Variants in CNTNAP2 observed in about 807,000 individuals in gnomAD.
CNTNAP2 encodes contactin associated protein 2.
A neutral mutation model predicts 155.2 loss-of-function variants in CNTNAP2; 98 were observed. The observed-to-expected ratio is 0.63, with a 90% CI of 0.54 to 0.75. The LOEUF is 0.75. CNTNAP2 is among the 30% of genes least tolerant of loss of function. The pLI is 0.00. For missense variants in CNTNAP2, 1,727 were observed against 1,688.1 expected (o/e 1.02, Z -0.40); for synonymous variants, 651 against 631.2 (o/e 1.03, Z -0.47).
At chr7:148,350,432 A>G (rs993477467) in intron 21 of CNTNAP2, among the ~76,000 whole-genome samples, 1 of 152,356 alleles carries the variant, frequency 6.6e-6, no homozygotes, top group South Asian at 2.1e-4. Context: ...TCCTCCTAGT[A>G]TGGATCTAAT....
At chr7:146,444,640 A>G (rs1238571428) in intron 1 of CNTNAP2, among the ~76,000 whole-genome samples, 2 of 151,622 alleles carry the variant, frequency 1.3e-5, no homozygotes, top group Non-Finnish European at 2.9e-5. Flanking sequence ...CATGCTTCAT[A>G]AATCCATAGA....
chr7:146,443,230 T>TAATAAATAATA (rs1554434108), intron 1 of CNTNAP2, among the ~76,000 whole-genome samples: 3 of 147,804 alleles, frequency 2.0e-5, no homozygotes, highest in African/African-American at 7.5e-5. Context: ...AATAAATAAA[T>TAATAAATAATA]AATAAATAAA....
At chr7:148,103,206 CTTT>C (rs56941233) in intron 15 of CNTNAP2, among the ~76,000 whole-genome samples, 7 of 141,342 alleles carry the variant, frequency 5.0e-5, no homozygotes, top group African/African-American at 7.7e-5. Flanking sequence ...AGGTATGTAG[CTTT>C]TTTTTTTTTT....
chr7:147,244,191 A>G (rs1218118102), intron 8 of CNTNAP2, among the ~76,000 whole-genome samples: 1 of 152,106 alleles, frequency 6.6e-6, no homozygotes, highest in Non-Finnish European at 1.5e-5. Context: ...TTTCAAATAT[A>G]CAAAGTTATC....
chr7:147,233,412 A>T (rs1033878082), intron 8 of CNTNAP2, among the ~76,000 whole-genome samples: 1 of 152,170 alleles, frequency 6.6e-6, no homozygotes, highest in African/African-American at 2.4e-5. Flanking sequence ...TTGCTATTTT[A>T]ATTCCACAAT....
chr7:148,393,809 ATTATG>A (rs1396390554), intron 22 of CNTNAP2, among the ~76,000 whole-genome samples: 12 of 152,252 alleles, frequency 7.9e-5, no homozygotes, highest in Middle Eastern at 6.8e-3. Context: ...TATTTCATTA[ATTATG>A]AGTTGGGTTA....
chr7:147,550,041 T>G (rs1319242969), intron 11 of CNTNAP2, among the ~76,000 whole-genome samples: 2 of 152,230 alleles, frequency 1.3e-5, no homozygotes, highest in African/African-American at 2.4e-5. Flanking sequence ...GAAGTTGCAC[T>G]ATATAATGAG....
At chr7:148,332,969 C>A (rs1318798420) in intron 21 of CNTNAP2, among the ~76,000 whole-genome samples, 1 of 152,128 alleles carries the variant, frequency 6.6e-6, no homozygotes, top group African/African-American at 2.4e-5. Context: ...AGTACTACCA[C>A]AATAAACATG....
At chr7:147,082,357 GCTTA>G (rs911506355) in intron 4 of CNTNAP2, among the ~76,000 whole-genome samples, 20 of 152,082 alleles carry the variant, frequency 1.3e-4, no homozygotes, top group African/African-American at 4.6e-4. Flanking sequence ...GTTTATAAGG[GCTTA>G]CTTGTTACTG....
intron 14 of CNTNAP2, among the ~76,000 whole-genome samples, chr7:147,967,606 A>G (rs563758842): frequency 5.3e-5 from 8 of 152,300 alleles, no homozygotes; most frequent in African/African-American, 1.9e-4. Flanking sequence ...CTAGTCTATT[A>G]CCTCTGAAAA....
intron 1 of CNTNAP2, among the ~76,000 whole-genome samples, chr7:146,698,770 A>C (rs1364338137): frequency 6.6e-6 from 1 of 151,966 alleles, no homozygotes; most frequent in Non-Finnish European, 1.5e-5. Context: ...CACATTACAC[A>C]TTTCGTAACA....
intron 8 of CNTNAP2, among the ~76,000 whole-genome samples, chr7:147,147,908 T>C (rs1027408383): frequency 6.6e-6 from 1 of 152,100 alleles, no homozygotes; most frequent in Admixed American, 6.5e-5. Flanking sequence ...GACTATCATC[T>C]CATCTCTGTG....
intron 2 of CNTNAP2, among the ~76,000 whole-genome samples, chr7:146,822,045 C>T (rs1803295795): frequency 6.6e-6 from 1 of 151,992 alleles, no homozygotes; most frequent in Admixed American, 6.6e-5. Context: ...CGGCACTATT[C>T]ACAGTAGCAA....
intron 18 of CNTNAP2, among the ~76,000 whole-genome samples, chr7:148,209,878 T>C (rs1244008012): frequency 1.3e-5 from 2 of 152,230 alleles, no homozygotes; most frequent in African/African-American, 4.8e-5. Flanking sequence ...CATCTTGGCC[T>C]CCACTACGTT....
intron 1 of CNTNAP2, among the ~76,000 whole-genome samples, chr7:146,455,109 A>G (rs1286037026): frequency 6.6e-6 from 1 of 152,086 alleles, no homozygotes; most frequent in Non-Finnish European, 1.5e-5. Flanking sequence ...TTTATCCTTT[A>G]ATTTCCACAT....
chr7:146,489,557 A>G (rs529727676), intron 1 of CNTNAP2, among the ~76,000 whole-genome samples: 5 of 151,666 alleles, frequency 3.3e-5, no homozygotes, highest in African/African-American at 1.2e-4. Flanking sequence ...ACGGCCAGTG[A>G]CACACACACC....
intron 21 of CNTNAP2, among the ~76,000 whole-genome samples, chr7:148,307,412 G>A (rs572161663): frequency 1.1e-4 from 17 of 152,228 alleles, no homozygotes; most frequent in African/African-American, 4.1e-4. Flanking sequence ...AGTGCCAACC[G>A]GGCTACTTCT....
chr7:147,638,330 T>G (rs1038870915), intron 12 of CNTNAP2, among the ~76,000 whole-genome samples: 3 of 152,204 alleles, frequency 2.0e-5, no homozygotes, highest in Non-Finnish European at 4.4e-5. Flanking sequence ...CACAGTCTGG[T>G]GCACGAGGTC....
intron 1 of CNTNAP2, among the ~76,000 whole-genome samples, chr7:146,579,512 A>T (rs1212056049): frequency 6.6e-6 from 1 of 152,006 alleles, no homozygotes; most frequent in African/African-American, 2.4e-5. Flanking sequence ...AGTGTTTGCA[A>T]CCCTCCAGAA....
Sources: gnomAD v4.1 joint callset for allele counts (sites outside exome capture counted in the v4.1 genomes callset) on GRCh38, gnomAD v4.1.1 for gene constraint, MANE v1.5 for transcripts, NCBI Gene and HGNC (gene_info 2026-07-23, HGNC 2026-07-21) for gene names.